Variants in ENOX1 observed in about 807,000 individuals in gnomAD.
The protein encoded by ENOX1 is ecto-NOX disulfide-thiol exchanger 1.
A neutral mutation model predicts 82.5 loss-of-function variants in ENOX1; 42 were observed. The observed-to-expected ratio is 0.51, with a 90% CI of 0.40 to 0.66. The LOEUF (loss-of-function observed/expected upper bound fraction) is 0.66, where lower values mean the gene tolerates loss of function less well. Ranked by LOEUF, ENOX1 falls within the 30% of genes least tolerant of loss-of-function variation. The pLI, the probability that ENOX1 is intolerant of heterozygous loss-of-function variation, is 0.00. For synonymous variants in ENOX1, 271 were observed against 282.2 expected, an observed-to-expected ratio of 0.96 and a Z score of 0.40; for missense variants, 608 against 811.6, an observed-to-expected ratio of 0.75 and a Z score of 3.05.
chr13:43,295,539 C>T (rs1347860881), intron 12 of ENOX1, among the ~76,000 whole-genome samples: 3 of 152,256 alleles, frequency 2.0e-5, no homozygotes, highest in South Asian at 4.2e-4. Flanking sequence ...AAACTGAAGG[C>T]GATTCCAAAA....
intron 3 of ENOX1, among the ~76,000 whole-genome samples, chr13:43,449,856 G>A (rs969756757): frequency 6.6e-6 from 1 of 152,160 alleles, no homozygotes; most frequent in African/African-American, 2.4e-5. Flanking sequence ...CACACTAGCT[G>A]CTCCCTGGCA....
At chr13:43,573,089 T>C (rs573716194) in intron 2 of ENOX1, among the ~76,000 whole-genome samples, 12 of 152,318 alleles carry the variant, frequency 7.9e-5, no homozygotes, top group African/African-American at 2.9e-4. Flanking sequence ...TTGTGTGACA[T>C]TAACTGCTAC....
At chr13:43,426,539 T>C (rs528970138) in intron 3 of ENOX1, among the ~76,000 whole-genome samples, 2 of 152,356 alleles carry the variant, frequency 1.3e-5, no homozygotes, top group East Asian at 3.9e-4. Context: ...TCAAGTCCTC[T>C]GATATCTTTA....
intron 9 of ENOX1, among the ~76,000 whole-genome samples, chr13:43,331,366 T>C (rs748378511): frequency 1.3e-5 from 2 of 152,220 alleles, no homozygotes; most frequent in Non-Finnish European, 2.9e-5. Flanking sequence ...CTGGAGAAAC[T>C]GATTTAGTCC....
At chr13:43,406,262 C>T (rs184292858) in intron 5 of ENOX1, among the ~76,000 whole-genome samples, 1 of 152,128 alleles carries the variant, frequency 6.6e-6, no homozygotes, top group African/African-American at 2.4e-5. Context: ...GGACTTGCAA[C>T]CTATCTTGGC....
intron 2 of ENOX1, among the ~76,000 whole-genome samples, chr13:43,633,971 A>C (rs1299599029): frequency 6.6e-6 from 1 of 152,112 alleles, no homozygotes; most frequent in African/African-American, 2.4e-5. Flanking sequence ...GTATATTTTA[A>C]ATTTAAAAAC....
chr13:43,344,182 T>C (rs902798946), intron 9 of ENOX1, among the ~76,000 whole-genome samples: 5 of 152,144 alleles, frequency 3.3e-5, no homozygotes, highest in African/African-American at 9.7e-5. Flanking sequence ...TAGGAGGACA[T>C]AGGGGTCTGT....
chr13:43,462,133 T>C (rs1386962870), intron 3 of ENOX1, among the ~76,000 whole-genome samples: 2 of 152,172 alleles, frequency 1.3e-5, no homozygotes, highest in African/African-American at 2.4e-5. Flanking sequence ...TCCAGTGAGA[T>C]GATTTAGGGT....
intron 14 of ENOX1, among the ~76,000 whole-genome samples, chr13:43,244,344 G>T (rs6561112): frequency 0.49 from 74,689 of 151,718 alleles, 20,423 homozygotes; most frequent in Middle Eastern, 0.64. Context: ...GGATTGATTG[G>T]ATATGGAACA....
At chr13:43,358,617 C>T (rs2050300771) in intron 7 of ENOX1, among the ~76,000 whole-genome samples, 1 of 152,140 alleles carries the variant, frequency 6.6e-6, no homozygotes, top group South Asian at 2.1e-4. Flanking sequence ...CAACCATTTC[C>T]TGAATGGTTT....
At chr13:43,363,057 T>C (rs1422080082) in intron 5 of ENOX1, among the ~76,000 whole-genome samples, 1 of 152,230 alleles carries the variant, frequency 6.6e-6, no homozygotes, top group Admixed American at 6.5e-5. Flanking sequence ...ACTGTTTGAC[T>C]GGATTATCTC....
chr13:43,350,168 A>G (rs1274178761), intron 8 of ENOX1, among the ~76,000 whole-genome samples: 1 of 152,216 alleles, frequency 6.6e-6, no homozygotes, highest in Non-Finnish European at 1.5e-5. Context: ...AGAAAATGTA[A>G]ATCTTTATAA....
chr13:43,491,028 AATTT>A (rs1016990407), intron 2 of ENOX1, among the ~76,000 whole-genome samples: 3 of 152,146 alleles, frequency 2.0e-5, no homozygotes, highest in African/African-American at 7.2e-5. Context: ...CATAAGCAAA[AATTT>A]ATTTTGGCTT....
intron 10 of ENOX1, among the ~76,000 whole-genome samples, chr13:43,325,106 C>CT (rs549151011): frequency 3.4e-4 from 51 of 149,186 alleles, no homozygotes; most frequent in African/African-American, 7.4e-4. Context: ...ACAGAGGACT[C>CT]TTTTTTTTTT....
intron 1 of ENOX1, among the ~76,000 whole-genome samples, chr13:43,670,932 T>C (rs2085237167): frequency 1.3e-5 from 2 of 152,032 alleles, no homozygotes; most frequent in Admixed American, 6.6e-5. Flanking sequence ...ATTTTGAAAA[T>C]TTCCCCTAGA....
intron 1 of ENOX1, among the ~76,000 whole-genome samples, chr13:43,741,921 A>G (rs915530895): frequency 1.3e-5 from 2 of 152,220 alleles, no homozygotes; most frequent in Non-Finnish European, 2.9e-5. Context: ...TGCATATGGT[A>G]TAAGAGAAAG....
At chr13:43,327,462 G>A (rs1320129359) in intron 9 of ENOX1, among the ~76,000 whole-genome samples, 1 of 152,162 alleles carries the variant, frequency 6.6e-6, no homozygotes, top group African/African-American at 2.4e-5. Flanking sequence ...TATTATGGGT[G>A]GAGCCAACTA....
chr13:43,513,022 T>C (rs2077428209), intron 2 of ENOX1, among the ~76,000 whole-genome samples: 1 of 152,044 alleles, frequency 6.6e-6, no homozygotes, highest in Admixed American at 6.6e-5. Flanking sequence ...ATAATCATAA[T>C]TTGTGGCTGG....
rs146880051 is a variant in ENOX1 at position 43,214,079 on chromosome 13, G to A, written c.1843C>T (p.Arg615Cys). ...EIEMLLMRLP[R>C]MFKQEFTGVG... ...CCCGTGAATTCCTGTTTGAACATGCGTGGCAGCCTCATCAAAAGCATTTCT... is the reference window on the plus strand; with the variant it reads ...CCCGTGAATTCCTGTTTGAACATGCATGGCAGCCTCATCAAAAGCATTTCT... The change falls in exon 17 of 17, where the codon CGC becomes TGC. Residue 615 changes from arginine to cysteine, a missense_variant. Physicochemically the swap from Arg to Cys is radical, Grantham distance 180. Coordinates refer to ENST00000690772, the MANE Select transcript of ENOX1 (RefSeq NM_001347969.2). 323 of 1,613,298 alleles carry A rather than the reference G, an allele frequency of 2.0e-4. 1 individual carries two copies. Among genetic ancestry groups the A allele is most frequent in the Non-Finnish European group, 2.6e-4 (305 of 1,179,664 alleles).
Sources: allele counts gnomAD v4.1 joint callset (sites outside exome capture counted in the v4.1 genomes callset), GRCh38; gene constraint gnomAD v4.1.1; transcripts MANE v1.5; gene names NCBI Gene and HGNC (gene_info 2026-07-23, HGNC 2026-07-21).